RBFOX3: variants seen among roughly 807,000 people sequenced by gnomAD.
The protein encoded by RBFOX3 is RNA binding protein fox-1 homolog 3.
Under a neutral mutation model 48.7 loss-of-function variants are expected in RBFOX3, and 17 were observed. The ratio of observed to expected loss-of-function variants is 0.35; its 90% CI spans 0.24 to 0.52. The LOEUF is 0.52. RBFOX3 is among the 20% of genes least tolerant of loss of function. The probability of loss-of-function intolerance (pLI) is 0.94; values close to 1 mark genes in which losing one functional copy is unlikely to be tolerated. For synonymous variants in RBFOX3, 212 were observed against 209.5 expected, an observed-to-expected ratio of 1.01 and a Z score of -0.10; for missense variants, 382 against 497.5, an observed-to-expected ratio of 0.77 and a Z score of 2.21.
intron 2 of RBFOX3, among the ~76,000 whole-genome samples, chr17:79,395,634 G>A (rs1419236970): frequency 6.6e-6 from 1 of 152,208 alleles, no homozygotes; most frequent in Non-Finnish European, 1.5e-5. Context: ...CACTGATCCA[G>A]GGGCTTCCAG....
intron 4 of RBFOX3, among the ~76,000 whole-genome samples, chr17:79,223,450 A>C (rs917876195): frequency 6.6e-6 from 1 of 152,176 alleles, no homozygotes; most frequent in African/African-American, 2.4e-5. Context: ...GAAATGTACC[A>C]ATGTGGCAGC....
rs2055437152 is a variant in RBFOX3 at position 79,195,677 on chromosome 17, G to A, written c.-34+40089C>T. Among the ~76,000 whole-genome samples the A allele has an allele frequency of 6.6e-6, 1 of 152,202 alleles. No homozygotes were observed. The highest frequency in any genetic ancestry group is 1.5e-5 in the Non-Finnish European group (1 of 68,044). ...GTCTGCTGAGGCCAGTGGTGGGGTGGCGGGGGTGGCTTTCCTTCTGTGCTC... is the reference window on the plus strand; with the variant it reads ...GTCTGCTGAGGCCAGTGGTGGGGTGACGGGGGTGGCTTTCCTTCTGTGCTC... On this transcript the variant is annotated intron_variant, in intron 4 of 14. Transcript: ENST00000693108. The surrounding 1 kb of genome is among the most constrained non-coding windows in gnomAD (Gnocchi z 5.3).
At chr17:79,346,588 T>G (rs2082959433) in intron 2 of RBFOX3, among the ~76,000 whole-genome samples, 2 of 152,220 alleles carry the variant, frequency 1.3e-5, no homozygotes, top group South Asian at 4.1e-4. Flanking sequence ...TAATTTTTGG[T>G]GTCTTAATCT....
chr17:79,642,014 C>T, the RBFOX3 span, among the ~76,000 whole-genome samples: 1 of 152,122 alleles, frequency 6.6e-6, no homozygotes, highest in Non-Finnish European at 1.5e-5. Context: ...CCAATTAAAC[C>T]TCTTTTTTTA....
intron 4 of RBFOX3, among the ~76,000 whole-genome samples, chr17:79,119,639 C>T (rs1040736418): frequency 4.6e-5 from 7 of 152,178 alleles, no homozygotes; most frequent in African/African-American, 1.2e-4. Context: ...GTCCTCTCTG[C>T]ACAGGTTTCT....
the RBFOX3 span, among the ~76,000 whole-genome samples, chr17:79,652,149 TG>T: frequency 6.6e-6 from 1 of 152,112 alleles, no homozygotes. Context: ...CCATTGTGTT[TG>T]GGGGTAATTT....
At chr17:79,434,607 G>A (rs74000094) in intron 2 of RBFOX3, among the ~76,000 whole-genome samples, 1,954 of 152,292 alleles carry the variant, frequency 0.013, 51 homozygotes, top group African/African-American at 0.044. Context: ...CAGGCAACAT[G>A]CCTCTCTTGA....
chr17:79,190,428 A>AC (rs1237179402), intron 4 of RBFOX3, among the ~76,000 whole-genome samples: 1 of 140,600 alleles, frequency 7.1e-6, no homozygotes, highest in Non-Finnish European at 1.6e-5. Flanking sequence ...AAAAAAAAAA[A>AC]AAACAAAAAA....
At position 79,525,644 on chromosome 17, in the gene RBFOX3, C is replaced by G. The variant is rs964240639; in HGVS notation, c.-319-43046G>C. On this transcript the variant is annotated intron_variant, in intron 1 of 14. Coordinates refer to ENST00000693108, the MANE Select transcript of RBFOX3 (RefSeq NM_001350451.2). ...AAAGCTATTAGGCTTGCCAGGAGCT[C>G]GATGTCTAAAGGAACATTGCTGGAA... Among the ~76,000 whole-genome samples, 6 of 152,130 alleles carry G rather than the reference C, an allele frequency of 3.9e-5. No homozygotes were observed. The East Asian group carries it at 1.2e-3, about 29-fold the overall frequency.
At chr17:79,398,558 C>G (rs907544583) in intron 2 of RBFOX3, among the ~76,000 whole-genome samples, 10 of 151,978 alleles carry the variant, frequency 6.6e-5, no homozygotes, top group African/African-American at 2.4e-4. Context: ...GTCATCGTAA[C>G]TGAGGGAGGG....
In RBFOX3 at chr17:79,101,664, G is replaced by C. The variant is rs1056602102; in HGVS notation, c.508-20C>G. ...ATTGACCTGTTCAAAGAGGGAAGGA[G>C]AGAGAGGAAGAGGGAGGATTAGCCT... On this transcript the variant is annotated intron_variant, in intron 8 of 14. Transcript: ENST00000693108. 6 of 1,549,238 alleles carry C rather than the reference G, an allele frequency of 3.9e-6. No individual in the cohort carries two copies. The African/African-American group carries it at 6.8e-5, about 18-fold the overall frequency.
chr17:79,547,950 G>A (rs574778066), intron 1 of RBFOX3, among the ~76,000 whole-genome samples: 118 of 152,322 alleles, frequency 7.7e-4, no homozygotes, highest in African/African-American at 2.6e-3. Context: ...AGGCCCTGCC[G>A]AGGGCTGGCC....
intron 1 of RBFOX3, among the ~76,000 whole-genome samples, chr17:79,565,621 G>A (rs982958384): frequency 3.3e-5 from 5 of 152,160 alleles, no homozygotes; most frequent in African/African-American, 1.2e-4. Context: ...GGTTACAGGT[G>A]TGAGCCATCA....
chr17:79,266,287 C>A (rs2066689500), intron 3 of RBFOX3, among the ~76,000 whole-genome samples: 1 of 152,208 alleles, frequency 6.6e-6, no homozygotes, highest in African/African-American at 2.4e-5. Context: ...GACATTTCAG[C>A]CCCTTGAAGG....
intron 1 of RBFOX3, among the ~76,000 whole-genome samples, chr17:79,509,416 C>T (rs1015223728): frequency 2.4e-4 from 37 of 152,128 alleles, no homozygotes; most frequent in Middle Eastern, 3.4e-3. Context: ...TCCCACTCTG[C>T]GGGTATATTT....
At chr17:79,525,067 G>C (rs2086619648) in intron 1 of RBFOX3, among the ~76,000 whole-genome samples, 2 of 152,214 alleles carry the variant, frequency 1.3e-5, no homozygotes, top group African/African-American at 4.8e-5. Context: ...GGCATAGAAA[G>C]AGACCAACCA....
intron 6 of RBFOX3, 54 bp downstream of exon 6, chr17:79,106,597 C>T (rs1243877718): frequency 1.4e-6 from 2 of 1,405,252 alleles, no homozygotes; most frequent in East Asian, 6.0e-5. Context: ...TGGGCGCCAC[C>T]CTGGAGCTGG....
chr17:79,323,793 C>T (rs1049670560), intron 2 of RBFOX3, among the ~76,000 whole-genome samples: 6 of 152,366 alleles, frequency 3.9e-5, no homozygotes, highest in Non-Finnish European at 7.3e-5. Context: ...TGGAGCAATG[C>T]ACCAATGCGA....
intron 3 of RBFOX3, among the ~76,000 whole-genome samples, chr17:79,263,084 T>C (rs1189151054): frequency 1.3e-5 from 2 of 152,246 alleles, no homozygotes; most frequent in African/African-American, 4.8e-5. Flanking sequence ...TCAGGCAGGG[T>C]AACTCGCCCA....
Sources: gnomAD v4.1 joint callset for allele counts (sites outside exome capture counted in the v4.1 genomes callset) on GRCh38, gnomAD v4.1.1 for gene constraint, Gnocchi (gnomAD v3.1) non-coding constraint, MANE v1.5 for transcripts, NCBI Gene and HGNC (gene_info 2026-07-23, HGNC 2026-07-21) for gene names.